The following SCNN1G variants were observed in gnomAD, a reference collection of about 807,000 sequenced individuals.
SCNN1G encodes epithelial sodium channel subunit gamma.
SCNN1G carries 27 observed loss-of-function variants against 64.6 expected under a neutral mutation model. The ratio of observed to expected loss-of-function variants is 0.42; its 90% CI spans 0.31 to 0.58. The LOEUF is 0.58. Among genes scored for constraint, SCNN1G ranks in the 20% least tolerant of loss-of-function variants. The pLI is 0.18. For missense variants in SCNN1G, 743 were observed against 823.4 expected (o/e 0.90, Z 1.19); for synonymous variants, 330 against 314.2 (o/e 1.05, Z -0.53).
rs756941278 is a variant in SCNN1G at position 23,214,703 on chromosome 16, A to G, written c.1494-9A>G. ...CAAGGCTCTTGATTCACCTGTTGGAATTTTGCAGGACAGACTTGGCCAAAC... is the reference window on the plus strand; with the variant it reads ...CAAGGCTCTTGATTCACCTGTTGGAGTTTTGCAGGACAGACTTGGCCAAAC... On this transcript the variant is annotated splice_polypyrimidine_tract_variant and intron_variant, in intron 11 of 12. Transcript: ENST00000300061. 4 of 1,612,158 alleles carry G rather than the reference A, an allele frequency of 2.5e-6. No homozygotes were observed. The highest frequency in any genetic ancestry group is 3.4e-6 in the Non-Finnish European group (4 of 1,178,318).
chr16:23,211,964 G>A, intron 7 of SCNN1G, 70 bp from the exon 8 acceptor site: 1 of 1,110,980 alleles, frequency 9.0e-7, no homozygotes, highest in South Asian at 1.2e-5. Flanking sequence ...CTGGGCTGAG[G>A]GATGTGCAGG....
At position 23,215,960 on chromosome 16, in the gene SCNN1G, G is replaced by T; in HGVS notation, c.*491G>T. 4.6e-6 allele frequency: 1 copy of T among 216,512 alleles called. No homozygotes were observed. Among genetic ancestry groups the T allele is most frequent in the Non-Finnish European group, 9.3e-6 (1 of 107,558 alleles). The allele number at this position is 216,512 out of a possible 1,614,324, so 13.4% of individuals were successfully genotyped here. A position where few individuals can be genotyped will look rare whatever the true frequency, so the allele number is the denominator to read the frequency against. ...AAGTGCCAGCCCTGAAGCTGGAGCC[G>T]TTTGTGAATAAACTGTTCTTCATCA... On this transcript the variant is annotated 3_prime_UTR_variant, in exon 13 of 13. Transcript: ENST00000300061.
At chr16:23,184,852 G>T (rs553873297) in intron 1 of SCNN1G, among the ~76,000 whole-genome samples, 1 of 152,140 alleles carries the variant, frequency 6.6e-6, no homozygotes, top group Non-Finnish European at 1.5e-5. Flanking sequence ...GGACCACCCT[G>T]TATGCCCTAG....
In SCNN1G at chr16:23,197,247, TTG is replaced by T. The variant is rs760095165; in HGVS notation, c.914-15_914-14del. 543 of 1,611,378 alleles carry T rather than the reference TTG, an allele frequency of 3.4e-4. No individual in the cohort carries two copies. Among genetic ancestry groups the T allele is most frequent in the Non-Finnish European group, 4.4e-4 (524 of 1,178,420 alleles). ...TTTCCTAGCCTTGGATCACAGCAGG[TTG>T]TCTTATCCTCCCAGGGCTGCAAGTC... On this transcript the variant is annotated splice_polypyrimidine_tract_variant and intron_variant, in intron 5 of 12. Transcript: ENST00000300061.
chr16:23,202,014 G>A (rs1041957503), intron 6 of SCNN1G, among the ~76,000 whole-genome samples: 5 of 152,032 alleles, frequency 3.3e-5, no homozygotes, highest in African/African-American at 1.2e-4. Flanking sequence ...TGGGGGTCTC[G>A]CTATGTTGCT....
At chr16:23,199,859 G>A (rs1959859914) in intron 6 of SCNN1G, among the ~76,000 whole-genome samples, 1 of 151,480 alleles carries the variant, frequency 6.6e-6, no homozygotes, top group South Asian at 2.1e-4. Flanking sequence ...TTTTAGTAGA[G>A]ACAGGGTTTC....
rs1197653185 is a variant in SCNN1G, at chr16:23,204,310, TATATATATATATATATATATATATAG to T, written c.1078-5438_1078-5413del. On this transcript the variant is annotated intron_variant, in intron 6 of 12. Coordinates refer to ENST00000300061, the MANE Select transcript of SCNN1G (RefSeq NM_001039.4). ...ATACATATATATATATATATATATA[TATATATATATATATATATATATATAG>T]AGAGAGAGAGAGAGAGAGAGAGAGA... 4.0e-4 allele frequency among the ~76,000 whole-genome samples: 30 copies of T among 75,582 alleles called. No homozygotes were observed. The East Asian group carries it at 0.013, about 32-fold the overall frequency. The allele number at this position is 75,582 out of a possible 152,430, so 49.6% of individuals were successfully genotyped here.
chr16:23,197,134 T>C, intron 5 of SCNN1G, 130 bp from the exon 6 acceptor site: 1 of 761,402 alleles, frequency 1.3e-6, no homozygotes, highest in Non-Finnish European at 2.3e-6. Flanking sequence ...AGTCTAGCCC[T>C]CGTCCACCTG....
At chr16:23,188,453 A>G (rs1162438140) in intron 2 of SCNN1G, among the ~76,000 whole-genome samples, 1 of 152,126 alleles carries the variant, frequency 6.6e-6, no homozygotes, top group Non-Finnish European at 1.5e-5. Context: ...TCTAGGCTGC[A>G]GGGAACCATG....
At chr16:23,199,198 A>G (rs1959845378) in intron 6 of SCNN1G, among the ~76,000 whole-genome samples, 1 of 152,194 alleles carries the variant, frequency 6.6e-6, no homozygotes, top group Admixed American at 6.5e-5. Context: ...TCATTCAAGC[A>G]AGTGCATATA....
chr16:23,208,620 C>T (rs80041486), intron 6 of SCNN1G, among the ~76,000 whole-genome samples: 82 of 145,552 alleles, frequency 5.6e-4, no homozygotes, highest in African/African-American at 2.0e-3. Context: ...CCCCTCCCCT[C>T]CCCTTCCCTT....
intron 6 of SCNN1G, among the ~76,000 whole-genome samples, chr16:23,205,287 A>T (rs1025795395): frequency 6.6e-6 from 1 of 152,046 alleles, no homozygotes; most frequent in African/African-American, 2.4e-5. Flanking sequence ...CGTTGAGAAA[A>T]AGCCTTCTAG....
rs561862276 is a variant in SCNN1G, at chr16:23,201,952, G to A, written c.1077+4525G>A. Among the ~76,000 whole-genome samples, 4 of 152,212 alleles carry A rather than the reference G, an allele frequency of 2.6e-5. No homozygotes were observed. In the South Asian group the frequency reaches 8.3e-4, roughly 32 times the overall value. ...CTGCCTCAGCCTTCCAAGTAGCTGG[G>A]ACCATAGGCACATGCCACCATATCT... is the stretch of plus-strand genomic sequence containing the variant. On this transcript the variant is annotated intron_variant, in intron 6 of 12. Transcript: ENST00000300061.
intron 1 of SCNN1G, among the ~76,000 whole-genome samples, chr16:23,184,312 C>T (rs752706770): frequency 7.9e-5 from 12 of 152,252 alleles, no homozygotes; most frequent in Middle Eastern, 3.4e-3. Context: ...AGAATCACAG[C>T]TTCTGTTGAA....
At chr16:23,190,065 G>A in intron 3 of SCNN1G, among the ~76,000 whole-genome samples, 1 of 137,138 alleles carries the variant, frequency 7.3e-6, no homozygotes, top group East Asian at 2.0e-4. Flanking sequence ...ATGAGACTCT[G>A]TTAAAAAAAA....
chr16:23,198,756 C>CA (rs1959838401), intron 6 of SCNN1G, among the ~76,000 whole-genome samples: 1 of 151,754 alleles, frequency 6.6e-6, no homozygotes, highest in South Asian at 2.1e-4. Context: ...AACAAACAAA[C>CA]AAAAACTGAT....
chr16:23,188,367 C>T (rs1484212894), intron 2 of SCNN1G, among the ~76,000 whole-genome samples: 1 of 151,994 alleles, frequency 6.6e-6, no homozygotes, highest in African/African-American at 2.4e-5. Flanking sequence ...TTTAAATTAG[C>T]CAGGTGTGAT....
intron 6 of SCNN1G, among the ~76,000 whole-genome samples, chr16:23,209,144 T>C (rs1176667386): frequency 2.0e-5 from 3 of 152,174 alleles, no homozygotes; most frequent in Non-Finnish European, 4.4e-5. Context: ...TCCTCTTTTT[T>C]AAAGATAGAG....
chr16:23,205,208 AC>A (rs1320762360), intron 6 of SCNN1G, among the ~76,000 whole-genome samples: 1 of 151,948 alleles, frequency 6.6e-6, no homozygotes, highest in Non-Finnish European at 1.5e-5. Flanking sequence ...TACATTCCTG[AC>A]CCCTTAGCTA....
Sources: allele counts gnomAD v4.1 joint callset (sites outside exome capture counted in the v4.1 genomes callset), GRCh38; gene constraint gnomAD v4.1.1; transcripts MANE v1.5; gene names NCBI Gene and HGNC (gene_info 2026-07-23, HGNC 2026-07-21).